Variants in MEIG1 observed in about 807,000 individuals in gnomAD.
MEIG1 encodes the protein meiosis expressed gene 1 protein homolog.
A neutral mutation model predicts 11.3 loss-of-function variants in MEIG1; 12 were observed. The ratio of observed to expected loss-of-function variants is 1.07; its 90% CI spans 0.68 to 1.73. The LOEUF is 1.73. Among genes scored for constraint, MEIG1 ranks in the 40% most tolerant of loss-of-function variants. The pLI, the probability that MEIG1 is intolerant of heterozygous loss-of-function variation, is 0.00. For missense variants in MEIG1, 119 were observed against 104.9 expected, an observed-to-expected ratio of 1.13 and a Z score of -0.59; for synonymous variants, 41 against 33.2, an observed-to-expected ratio of 1.24 and a Z score of -0.81.
rs549457650 is a variant in MEIG1 at position 14,961,062 on chromosome 10, T to C, written c.-30+1505T>C. Among the ~76,000 whole-genome samples, 5 of 152,174 alleles carry C rather than the reference T, an allele frequency of 3.3e-5. No individual in the cohort carries two copies. In the East Asian group the frequency reaches 9.7e-4, roughly 30 times the overall value. On this transcript the variant is annotated intron_variant, in intron 1 of 2. Coordinates refer to ENST00000407572, the MANE Select transcript of MEIG1 (RefSeq NM_001080836.3). ...TAATAAATAAATAAATAAAATAACA[T>C]GCTCCTCAATTTAACTATGGGATTA...
At chr10:14,976,422 C>G (rs1843210744), downstream of MEIG1, among the ~76,000 whole-genome samples, 1 of 152,022 alleles carries the variant, frequency 6.6e-6, no homozygotes, top group Non-Finnish European at 1.5e-5. Flanking sequence ...TCTTATTCTC[C>G]TATGGGGAGG....
At chr10:14,977,468 T>A (rs944922646), downstream of MEIG1, among the ~76,000 whole-genome samples, 1 of 152,010 alleles carries the variant, frequency 6.6e-6, no homozygotes, top group African/African-American at 2.4e-5. Context: ...CGTGTGATAT[T>A]GTTCCCAATA....
At chr10:14,987,056 T>C (rs1161027501) in intron 2 of MEIG1, 18 of 618,444 alleles carry the variant, frequency 2.9e-5, no homozygotes, top group South Asian at 1.5e-5. Context: ...GGGAGACAGA[T>C]GGCTACAAAG....
chr10:14,982,737 T>C (rs1228935875), intron 1 of MEIG1, among the ~76,000 whole-genome samples: 1 of 152,088 alleles, frequency 6.6e-6, no homozygotes, highest in African/African-American at 2.4e-5. Flanking sequence ...ATAATATCAA[T>C]TGTTAATTGA....
chr10:14,985,860 A>G (rs1843313453), intron 1 of MEIG1, among the ~76,000 whole-genome samples: 1 of 152,026 alleles, frequency 6.6e-6, no homozygotes, highest in Non-Finnish European at 1.5e-5. Flanking sequence ...TAGTATTCAT[A>G]ATATCCTAGG....
downstream of MEIG1, among the ~76,000 whole-genome samples, chr10:14,974,240 G>A (rs1843186991): frequency 6.6e-6 from 1 of 152,114 alleles, no homozygotes; most frequent in Non-Finnish European, 1.5e-5. Flanking sequence ...ATCAGCTGGT[G>A]CATATTCCTC....
chr10:14,961,935 G>T (rs1843019225), intron 1 of MEIG1, among the ~76,000 whole-genome samples: 1 of 151,834 alleles, frequency 6.6e-6, no homozygotes. Context: ...AGCCTCCCCA[G>T]TAGCTGAGAC....
chr10:14,976,009 C>G (rs1843205749), downstream of MEIG1, among the ~76,000 whole-genome samples: 2 of 152,236 alleles, frequency 1.3e-5, no homozygotes, highest in South Asian at 4.2e-4. Flanking sequence ...ACAATAACGT[C>G]AACACGCTGT....
chr10:14,964,134 AT>A (rs1843049727), intron 1 of MEIG1, among the ~76,000 whole-genome samples: 1 of 151,968 alleles, frequency 6.6e-6, no homozygotes, highest in African/African-American at 2.4e-5. Context: ...TATAAACACT[AT>A]AATATTTAGA....
At chr10:14,980,493 G>A (rs1203415257) in intron 1 of MEIG1, among the ~76,000 whole-genome samples, 1 of 152,120 alleles carries the variant, frequency 6.6e-6, no homozygotes, top group Non-Finnish European at 1.5e-5. Flanking sequence ...TGTACACCTT[G>A]TAATCTTATT....
chr10:14,981,537 C>G (rs570459410), intron 1 of MEIG1, among the ~76,000 whole-genome samples: 2 of 152,040 alleles, frequency 1.3e-5, no homozygotes, highest in South Asian at 2.1e-4. Context: ...AGGGGGCGAC[C>G]GGGGCGGTTA....
chr10:14,973,976 C>T (rs1002254978), downstream of MEIG1, among the ~76,000 whole-genome samples: 25 of 152,074 alleles, frequency 1.6e-4, no homozygotes, highest in African/African-American at 5.1e-4. Flanking sequence ...TCAGGGCTAT[C>T]GGGATCAAAG....
At chr10:14,956,027 A>G (rs1842942376), upstream of MEIG1, among the ~76,000 whole-genome samples, 1 of 152,226 alleles carries the variant, frequency 6.6e-6, no homozygotes, top group African/African-American at 2.4e-5. Context: ...GGTCAAGTTA[A>G]TGCTCGTGAT....
intron 2 of MEIG1, among the ~76,000 whole-genome samples, chr10:14,967,502 A>G (rs1203221794): frequency 1.1e-5 from 1 of 92,174 alleles, no homozygotes; most frequent in East Asian, 3.2e-4. Flanking sequence ...GGCTACTAAG[A>G]TATTTTTTTT....
chr10:14,965,410 C>G (rs1445193653), intron 1 of MEIG1, among the ~76,000 whole-genome samples: 4 of 152,154 alleles, frequency 2.6e-5, no homozygotes, highest in Admixed American at 2.6e-4. Flanking sequence ...GTATATTAGA[C>G]TTTCCAAGAC....
At chr10:14,958,765 G>C (rs952760920), upstream of MEIG1, among the ~76,000 whole-genome samples, 1 of 152,074 alleles carries the variant, frequency 6.6e-6, no homozygotes, top group Non-Finnish European at 1.5e-5. Flanking sequence ...GCGTGGTGGT[G>C]GGTGCCTGTA....
At chr10:14,959,651 C>T (rs1842988612) in intron 1 of MEIG1, 94 bp downstream of exon 1, 1 of 152,382 alleles carries the variant, frequency 6.6e-6, no homozygotes, top group South Asian at 2.1e-4. Flanking sequence ...CCCGCCTTCT[C>T]GGCTCCGCAG....
At chr10:14,982,073 G>C (rs1303983992) in intron 1 of MEIG1, among the ~76,000 whole-genome samples, 2 of 152,222 alleles carry the variant, frequency 1.3e-5, no homozygotes, top group Non-Finnish European at 2.9e-5. Context: ...ATGGATTAAA[G>C]CCATGTGAAT....
intron 1 of MEIG1, among the ~76,000 whole-genome samples, chr10:14,979,529 G>A (rs956729451): frequency 6.6e-6 from 1 of 151,974 alleles, no homozygotes; most frequent in African/African-American, 2.4e-5. Flanking sequence ...TCACAGGGGT[G>A]TACACCCTGT....
Sources: gnomAD v4.1 joint callset for allele counts (sites outside exome capture counted in the v4.1 genomes callset) on GRCh38, gnomAD v4.1.1 for gene constraint, MANE v1.5 for transcripts, NCBI Gene and HGNC (gene_info 2026-07-23, HGNC 2026-07-21) for gene names.